Variants in RAD51B observed in about 807,000 individuals in gnomAD.
RAD51B encodes the protein DNA repair protein RAD51 homolog 2.
In RAD51B, 38 loss-of-function variants were observed where a neutral mutation model predicts 42.2. That is an observed-to-expected ratio of 0.90 (90% CI 0.70 to 1.18). The LOEUF is 1.18. Ranked by LOEUF, RAD51B falls within the 50% of genes most tolerant of loss-of-function variation. The pLI is 0.00. For missense variants in RAD51B, 373 were observed against 400.7 expected, an observed-to-expected ratio of 0.93 and a Z score of 0.59; for synonymous variants, 154 against 145.2, an observed-to-expected ratio of 1.06 and a Z score of -0.43.
intron 7 of RAD51B, among the ~76,000 whole-genome samples, chr14:67,974,185 C>CT (rs879392068): frequency 6.6e-5 from 10 of 151,988 alleles, no homozygotes; most frequent in Non-Finnish European, 1.2e-4. Flanking sequence ...TCATGAAAGT[C>CT]TTGTGGAAGG....
At chr14:68,259,049 G>A (rs1245956013) in intron 7 of RAD51B, among the ~76,000 whole-genome samples, 1 of 152,150 alleles carries the variant, frequency 6.6e-6, no homozygotes, top group Admixed American at 6.5e-5. Flanking sequence ...GGGAGAATTT[G>A]CCAGTGGCAG....
At chr14:67,855,316 C>T (rs1013631314) in intron 4 of RAD51B, among the ~76,000 whole-genome samples, 19 of 151,844 alleles carry the variant, frequency 1.3e-4, no homozygotes, top group African/African-American at 4.4e-4. Flanking sequence ...ATGTAAGCTC[C>T]GCCTCCCGGG....
At chr14:68,054,459 T>C (rs549677698) in intron 7 of RAD51B, among the ~76,000 whole-genome samples, 1 of 152,346 alleles carries the variant, frequency 6.6e-6, no homozygotes, top group African/African-American at 2.4e-5. Context: ...TGAATTCATA[T>C]TGATAACTAC....
At chr14:67,881,186 A>G (rs114707748) in intron 5 of RAD51B, among the ~76,000 whole-genome samples, 465 of 152,334 alleles carry the variant, frequency 3.1e-3, no homozygotes, top group African/African-American at 0.011. Flanking sequence ...TGTATAAGTG[A>G]TGCATCATTG....
At chr14:67,858,176 G>GCA in intron 4 of RAD51B, 1 of 152,340 alleles carries the variant, frequency 6.6e-6, no homozygotes, top group African/African-American at 2.4e-5. Context: ...GTTATGTGGG[G>GCA]CAGTTGCCCT....
At chr14:68,387,690 G>T (rs1178582850) in intron 8 of RAD51B, among the ~76,000 whole-genome samples, 7 of 152,164 alleles carry the variant, frequency 4.6e-5, no homozygotes, top group Non-Finnish European at 1.0e-4. Flanking sequence ...ACTCAAAGAA[G>T]AGATGGAACC....
intron 7 of RAD51B, among the ~76,000 whole-genome samples, chr14:68,183,124 T>C (rs1287577631): frequency 6.6e-6 from 1 of 152,096 alleles, no homozygotes. Context: ...ATTTATTAAG[T>C]AGTATTGACT....
At chr14:68,623,741 G>A (rs1265339511) in intron 10 of RAD51B, among the ~76,000 whole-genome samples, 2 of 152,120 alleles carry the variant, frequency 1.3e-5, no homozygotes, top group Admixed American at 6.5e-5. Context: ...ATGCTAATAA[G>A]GCAGACTTCT....
At chr14:67,966,526 C>T (rs1041807391) in intron 7 of RAD51B, among the ~76,000 whole-genome samples, 4 of 152,218 alleles carry the variant, frequency 2.6e-5, no homozygotes, top group South Asian at 2.1e-4. Flanking sequence ...CTGACATTCT[C>T]TCACCACCAT....
intron 7 of RAD51B, among the ~76,000 whole-genome samples, chr14:67,910,441 A>AAAT (rs1566953766): frequency 3.4e-5 from 5 of 146,196 alleles, no homozygotes; most frequent in South Asian, 4.4e-4. Flanking sequence ...AAAAAAAAAA[A>AAAT]ATATTTAAAT....
At chr14:68,538,396 G>A (rs1594954007) in intron 10 of RAD51B, among the ~76,000 whole-genome samples, 2 of 152,222 alleles carry the variant, frequency 1.3e-5, no homozygotes, top group Non-Finnish European at 2.9e-5. Context: ...GCAACTCCAA[G>A]ATGTCCCAGG....
intron 9 of RAD51B, among the ~76,000 whole-genome samples, chr14:68,466,823 G>A (rs34781758): frequency 1.3e-3 from 199 of 152,316 alleles, no homozygotes; most frequent in African/African-American, 4.5e-3. Flanking sequence ...GAAGGGGAAT[G>A]GCTGCTAGAG....
At chr14:68,158,269 A>G (rs1337603792) in intron 7 of RAD51B, among the ~76,000 whole-genome samples, 1 of 152,258 alleles carries the variant, frequency 6.6e-6, no homozygotes, top group Non-Finnish European at 1.5e-5. Context: ...TCTGTAACTT[A>G]GTTGGAAGTT....
chr14:67,994,738 A>G (rs906192064), intron 7 of RAD51B, among the ~76,000 whole-genome samples: 2 of 152,182 alleles, frequency 1.3e-5, no homozygotes, highest in East Asian at 1.9e-4. Context: ...CAATCTTCCC[A>G]TCTGCAACTG....
chr14:68,517,540 AC>A (rs1028502888), intron 10 of RAD51B, among the ~76,000 whole-genome samples: 5 of 152,178 alleles, frequency 3.3e-5, no homozygotes, highest in African/African-American at 1.2e-4. Context: ...GCTTGCAGAC[AC>A]CCTGATAGGG....
intron 9 of RAD51B, among the ~76,000 whole-genome samples, chr14:68,456,507 T>C (rs528796868): frequency 1.4e-4 from 21 of 152,308 alleles, no homozygotes; most frequent in Non-Finnish European, 2.8e-4. Context: ...ATTTTATAAT[T>C]ATAAAAGGAT....
chr14:68,130,450 G>A (rs1198489272), intron 7 of RAD51B, among the ~76,000 whole-genome samples: 1 of 152,174 alleles, frequency 6.6e-6, no homozygotes, highest in Admixed American at 6.5e-5. Context: ...CCAATGTTGG[G>A]GAACAAACTG....
At chr14:68,183,316 A>G (rs963607744) in intron 7 of RAD51B, among the ~76,000 whole-genome samples, 2 of 151,990 alleles carry the variant, frequency 1.3e-5, no homozygotes, top group African/African-American at 4.8e-5. Context: ...AAGCTAAGGA[A>G]TTTGGAGTCT....
chr14:67,878,076 ATATAGT>A (rs1468078666), intron 5 of RAD51B, among the ~76,000 whole-genome samples: 2 of 152,184 alleles, frequency 1.3e-5, no homozygotes, highest in African/African-American at 2.4e-5. Flanking sequence ...TTTTTTCCTA[ATATAGT>A]TATAGTTTTA....
Sources: allele counts gnomAD v4.1 joint callset (sites outside exome capture counted in the v4.1 genomes callset), GRCh38; gene constraint gnomAD v4.1.1; transcripts MANE v1.5; gene names NCBI Gene and HGNC (gene_info 2026-07-23, HGNC 2026-07-21).